Variants in UNC45A observed in about 807,000 individuals in gnomAD.
UNC45A encodes unc-45 myosin chaperone A.
In UNC45A, 78 loss-of-function variants were observed where a neutral mutation model predicts 103.2. That is an observed-to-expected ratio of 0.76 (90% CI 0.63 to 0.91). The LOEUF (loss-of-function observed/expected upper bound fraction) is 0.91, where lower values mean the gene tolerates loss of function less well. UNC45A is among the 40% of genes least tolerant of loss of function. The pLI is 0.00. For missense variants in UNC45A, 1,193 were observed against 1,224.8 expected (o/e 0.97, Z 0.39); for synonymous variants, 495 against 504.6 (o/e 0.98, Z 0.25).
At chr15:90,934,751 C>T, upstream of UNC45A, 2 of 399,386 alleles carry the variant, frequency 5.0e-6, no homozygotes, top group Non-Finnish European at 8.8e-6. Context: ...GGGGAGCCAT[C>T]CTGAATCTGC....
intron 4 of UNC45A, among the ~76,000 whole-genome samples, chr15:90,938,509 A>T (rs1177240751): frequency 6.6e-6 from 1 of 151,964 alleles, no homozygotes; most frequent in African/African-American, 2.4e-5. Context: ...AGATTGCCTG[A>T]GCCAAGCAGG....
At chr15:90,945,087 C>T (rs375727080) in intron 9 of UNC45A, 24 bp downstream of exon 9, 58 of 1,606,184 alleles carry the variant, frequency 3.6e-5, no homozygotes, top group Middle Eastern at 4.3e-4. Context: ...TTTCACCTCC[C>T]GTTGCCAGGG....
chr15:90,930,907 G>C, upstream of UNC45A: 1 of 231,890 alleles, frequency 4.3e-6, no homozygotes, highest in Admixed American at 5.1e-5. Context: ...TGGAGAAGGA[G>C]CAGCAGCAGC....
Position 90,953,465 on chromosome 15 carries a change from C to T in UNC45A, c.2584C>T (p.His862Tyr), listed in dbSNP as rs1486927700. 1.9e-6 allele frequency: 3 copies of T among 1,613,530 alleles called. No individual in the cohort carries two copies. In the African/African-American group the frequency reaches 4.0e-5, roughly 22 times the overall value. ...TACCCTGTTTTTCTCACAGACCACA[C>T]ACTGGCTGGAGATCCTGCAGGCCCT... is the stretch of plus-strand genomic sequence containing the variant. ...LCSRIPQVTT[H>Y]WLEILQALLL... The change falls in exon 20 of 20, where the codon CAC becomes TAC. Residue 862 changes from histidine to tyrosine, a missense_variant. By Grantham distance (83) the His-to-Tyr change is moderately conservative (BLOSUM62 2). Transcript: ENST00000418476.
chr15:90,948,811 G>A lies in UNC45A; in HGVS notation c.1878+17G>A. 1 of 1,580,034 alleles carries A rather than the reference G, an allele frequency of 6.3e-7. No individual in the cohort carries two copies. The highest frequency in any genetic ancestry group is 1.3e-5 in the African/African-American group (1 of 74,232). On this transcript the variant is annotated intron_variant, in intron 13 of 19. Coordinates refer to ENST00000418476, the MANE Select transcript of UNC45A (RefSeq NM_018671.5). The stretch of plus-strand genomic sequence containing the variant: ...CACCCCAAGGTGAGGGGCCGCCAGA[G>A]GGGCTAGAGGGTTCCCCACCATGGG...
At chr15:90,932,541 C>T (rs966404039), upstream of UNC45A, 3 of 1,258,592 alleles carry the variant, frequency 2.4e-6, no homozygotes, top group African/African-American at 4.6e-5. Flanking sequence ...CAGAGCCCAT[C>T]GCGCGGATGG....
At chr15:90,931,358 C>A, upstream of UNC45A, 1 of 1,553,970 alleles carries the variant, frequency 6.4e-7, no homozygotes, top group Non-Finnish European at 8.7e-7. Context: ...CCCTTCACCA[C>A]CTGCGCTGCC....
At chr15:90,932,121 G>A (rs2035819714), upstream of UNC45A, 5 of 1,581,778 alleles carry the variant, frequency 3.2e-6, no homozygotes, top group East Asian at 2.2e-5. Context: ...CTGACGGGGA[G>A]GGGCAAAGCA....
chr15:90,934,670 C>A (rs1392904338), upstream of UNC45A: 2 of 398,058 alleles, frequency 5.0e-6, no homozygotes, highest in Admixed American at 8.8e-5. Context: ...GGACAGACCG[C>A]AACAGAAAAT....
intron 4 of UNC45A, among the ~76,000 whole-genome samples, chr15:90,937,468 G>A (rs1474068483): frequency 1.3e-5 from 2 of 151,954 alleles, no homozygotes; most frequent in African/African-American, 2.4e-5. Flanking sequence ...ACTTGGGTAT[G>A]TAAATACAAA....
intron 12 of UNC45A, 42 bp from the exon 13 acceptor site, chr15:90,948,612 C>T: frequency 1.2e-6 from 2 of 1,606,262 alleles, no homozygotes; most frequent in Non-Finnish European, 1.7e-6. Flanking sequence ...GAGTACTGCT[C>T]TGCCCCGGGA....
chr15:90,952,733 A>G, intron 17 of UNC45A, 196 bp from the exon 18 acceptor site: 1 of 588,604 alleles, frequency 1.7e-6, no homozygotes, highest in East Asian at 2.9e-5. Context: ...CCGAGATGCC[A>G]CGCACTTTTA....
In UNC45A at chr15:90,948,579, C is replaced by G. The variant is rs566852120; in HGVS notation, c.1738-75C>G. 66 of 1,567,554 alleles carry G rather than the reference C, an allele frequency of 4.2e-5. No individual in the cohort carries two copies. In the South Asian group the frequency reaches 7.5e-4, roughly 18 times the overall value. On this transcript the variant is annotated intron_variant, in intron 12 of 19. Coordinates refer to ENST00000418476, the MANE Select transcript of UNC45A (RefSeq NM_018671.5). ...CCCAGCTGAGGGTGGAATTGGGGGC[C>G]TGGGCCTGGGCAGCATTTATCTGAG...
At chr15:90,932,054 C>T (rs746267075), upstream of UNC45A, 98 of 1,613,290 alleles carry the variant, frequency 6.1e-5, no homozygotes, top group Non-Finnish European at 8.1e-5. Flanking sequence ...GGGAAAGTTA[C>T]CTGTAACACC....
rs372041026 is a variant in UNC45A at position 90,948,163 on chromosome 15, C to G, written c.1617C>G (p.Ile539Met). The part of the protein sequence containing the change: ...QCRKWLCNDQ[I>M]DAGTRRWAVE... ...CCAGGTGGCTGTGCAATGACCAGAT[C>G]GACGCAGGCACTCGGCGCTGGGCAG... The change falls in exon 12 of 20, where the codon ATC becomes ATG. Residue 539 changes from isoleucine to methionine, a missense_variant. By Grantham distance (10) the Ile-to-Met change is conservative. Transcript: ENST00000418476. 7.4e-6 allele frequency: 12 copies of G among 1,614,098 alleles called. No individual in the cohort carries two copies. The highest frequency in any genetic ancestry group is 1.3e-5 in the African/African-American group (1 of 75,056).
chr15:90,932,121 G>T, upstream of UNC45A: 1 of 1,581,778 alleles, frequency 6.3e-7, no homozygotes, highest in African/African-American at 1.3e-5. Context: ...CTGACGGGGA[G>T]GGGCAAAGCA....
chr15:90,944,384 TA>T (rs531024749), intron 8 of UNC45A, among the ~76,000 whole-genome samples: 166 of 144,750 alleles, frequency 1.1e-3, no homozygotes, highest in African/African-American at 1.5e-3. Context: ...GACTCTGTCT[TA>T]AAAAAAAAAA....
chr15:90,950,239 A>T lies in UNC45A; in HGVS notation c.2159A>T (p.Asn720Ile). The T allele has an allele frequency of 6.4e-7, 1 of 1,551,700 alleles. No homozygotes were observed. Among genetic ancestry groups the T allele is most frequent in the South Asian group, 1.2e-5 (1 of 84,068 alleles). Residue 720 changes from asparagine to isoleucine, a missense_variant, in exon 16 of 20, where the codon AAC becomes ATC. Asn to Ile is a moderately radical substitution (Grantham distance 149). Coordinates refer to ENST00000418476, the MANE Select transcript of UNC45A (RefSeq NM_018671.5). ...QALAKLTITS[N>I]PEMTFPGERI... Reference sequence around the variant, plus strand: ...CTTGCCAAGCTCACCATCACCTCCAACCCGGAGATGACCTTCCCTGGCGAG... The same window carrying T: ...CTTGCCAAGCTCACCATCACCTCCATCCCGGAGATGACCTTCCCTGGCGAG...
upstream of UNC45A, chr15:90,934,690 C>A (rs892487909): frequency 3.5e-5 from 14 of 398,144 alleles, no homozygotes; most frequent in African/African-American, 2.1e-5. Context: ...TCATGTAGAT[C>A]ATGATTACAA....
Sources: gnomAD v4.1 joint callset for allele counts (sites outside exome capture counted in the v4.1 genomes callset) on GRCh38, gnomAD v4.1.1 for gene constraint, MANE v1.5 for transcripts, NCBI Gene and HGNC (gene_info 2026-07-23, HGNC 2026-07-21) for gene names.